The following VNN2 variants were observed in gnomAD, a reference collection of about 807,000 sequenced individuals.
VNN2 encodes vanin 2.
In VNN2, 43 loss-of-function variants were observed where a neutral mutation model predicts 43.0. That is an observed-to-expected ratio of 1.00 (90% CI 0.78 to 1.29). VNN2 has a LOEUF of 1.29. Ranked by LOEUF, VNN2 falls within the 50% of genes most tolerant of loss-of-function variation. The pLI, the probability that VNN2 is intolerant of heterozygous loss-of-function variation, is 0.00. For synonymous variants in VNN2, 230 were observed against 224.3 expected (o/e 1.03, Z -0.23); for missense variants, 652 against 619.7 (o/e 1.05, Z -0.55).
At position 132,756,186 on chromosome 6, in the gene VNN2, A is replaced by C. The variant is rs190022989; in HGVS notation, c.345-151T>G. The C allele has an allele frequency of 8.1e-6, 6 of 740,130 alleles. No homozygotes were observed. The African/African-American group carries it at 8.8e-5, about 11-fold the overall frequency. 45.8% of individuals were successfully genotyped at this position (740,130 alleles called of 1,614,324 possible). On this transcript the variant is annotated intron_variant, in intron 2 of 6. Coordinates refer to ENST00000326499, the MANE Select transcript of VNN2 (RefSeq NM_004665.6). ...TATCATACTTTAAAAGCCACAGATG[A>C]TTATACACTTGATGAATGCTTCCCA... is the stretch of plus-strand genomic sequence containing the variant.
chr6:132,749,881 G>T lies in VNN2; in HGVS notation c.1201-16C>A. 2 of 1,604,010 alleles carry T rather than the reference G, an allele frequency of 1.2e-6. No homozygotes were observed. Among genetic ancestry groups the T allele is most frequent in the Non-Finnish European group, 8.5e-7 (1 of 1,174,910 alleles). On this transcript the variant is annotated splice_polypyrimidine_tract_variant and intron_variant, in intron 5 of 6. Transcript: ENST00000326499. ...GTGTGCAGACCTATGTGGAACAAACGCAGATAAAACGCAATGCCTTACATT... is the reference window on the plus strand; with the variant it reads ...GTGTGCAGACCTATGTGGAACAAACTCAGATAAAACGCAATGCCTTACATT...
Position 132,753,527 on chromosome 6 carries a change from C to G in VNN2, c.538-778G>C, listed in dbSNP as rs1040828802. The stretch of plus-strand genomic sequence containing the variant: ...TACCATAGAAATGTATTTAATTTCC[C>G]GATTCCTTCTAGGTAAACTAAAAAA... On this transcript the variant is annotated intron_variant, in intron 3 of 6. Coordinates refer to ENST00000326499, the MANE Select transcript of VNN2 (RefSeq NM_004665.6). The G allele has an allele frequency of 8.9e-6, 4 of 448,522 alleles. No individual in the cohort carries two copies. In the East Asian group the frequency reaches 2.1e-4, roughly 23 times the overall value. 27.8% of individuals were successfully genotyped at this position (448,522 alleles called of 1,614,324 possible).
chr6:132,745,423 C>T (rs558667328), intron 6 of VNN2, among the ~76,000 whole-genome samples: 2 of 152,228 alleles, frequency 1.3e-5, no homozygotes, highest in East Asian at 3.9e-4. Flanking sequence ...ACCATGTTGC[C>T]CAGGCTGTTC....
At chr6:132,761,369 A>C (rs1455089236), upstream of VNN2, among the ~76,000 whole-genome samples, 2 of 149,646 alleles carry the variant, frequency 1.3e-5, no homozygotes, top group South Asian at 2.1e-4. Context: ...AAAAAAAAAA[A>C]CAGTATTGGG....
At chr6:132,746,748 C>T (rs1280081805) in intron 6 of VNN2, among the ~76,000 whole-genome samples, 1 of 152,140 alleles carries the variant, frequency 6.6e-6, no homozygotes, top group African/African-American at 2.4e-5. Flanking sequence ...GAGGATTTGC[C>T]AATGAAGAGT....
intron 5 of VNN2, among the ~76,000 whole-genome samples, 166 bp from the exon 6 acceptor site, chr6:132,750,031 G>T (rs1427862433): frequency 6.6e-6 from 1 of 152,164 alleles, no homozygotes; most frequent in Non-Finnish European, 1.5e-5. Context: ...AATGGCCAGT[G>T]ACTTGAGAAT....
Position 132,757,718 on chromosome 6 carries a change from C to T in VNN2, c.166G>A (p.Glu56Lys), listed in dbSNP as rs962925338. 17 of 1,614,010 alleles carry T rather than the reference C, an allele frequency of 1.1e-5. No individual in the cohort carries two copies. The highest frequency in any genetic ancestry group is 2.7e-5 in the African/African-American group (2 of 74,906). The change falls in exon 1 of 7, where the codon GAG (glutamate) becomes AAG (lysine). Residue 56 changes from glutamate to lysine, a missense_variant. Glu to Lys is a moderately conservative substitution (Grantham distance 56). Transcript: ENST00000326499. ...GCTGTCTCCAGAATGTCTATATTCT[C>T]GTTCATGAGATTCAAGGCATCCTCC... ...SQEDALNLMNENIDILETAIK... is the reference protein window; with the variant it reads ...SQEDALNLMNKNIDILETAIK...
chr6:132,756,765 C>G (rs996965092), intron 2 of VNN2, among the ~76,000 whole-genome samples: 4 of 152,216 alleles, frequency 2.6e-5, no homozygotes, highest in Non-Finnish European at 4.4e-5. Flanking sequence ...CACAGGTGAA[C>G]TCATCATGGT....
At position 132,753,539 on chromosome 6, in the gene VNN2, G is replaced by C. The variant is rs547005103; in HGVS notation, c.538-790C>G. 98 of 440,610 alleles carry C rather than the reference G, an allele frequency of 2.2e-4. 5 individuals carry two copies. The highest frequency in any genetic ancestry group is 1.5e-3 in the South Asian group (96 of 62,300). The allele number at this position is 440,610 out of a possible 1,614,324, so 27.3% of individuals were successfully genotyped here. On this transcript the variant is annotated intron_variant, in intron 3 of 6. Coordinates refer to ENST00000326499, the MANE Select transcript of VNN2 (RefSeq NM_004665.6). Reference sequence around the variant, plus strand: ...GTATTTAATTTCCCGATTCCTTCTAGGTAAACTAAAAAAAAACTTAGTCTA... The same window carrying C: ...GTATTTAATTTCCCGATTCCTTCTACGTAAACTAAAAAAAAACTTAGTCTA...
In VNN2 at chr6:132,743,927, A is replaced by G. The variant is rs1386401791; in HGVS notation, c.*373T>C. On this transcript the variant is annotated 3_prime_UTR_variant, in exon 7 of 7. Coordinates refer to ENST00000326499, the MANE Select transcript of VNN2 (RefSeq NM_004665.6). Reference sequence around the variant, plus strand: ...TTCAGTCATAAACCTCTAAATTCCCATCATTACTATTCTCTTCAAGGGCAC... The same window carrying G: ...TTCAGTCATAAACCTCTAAATTCCCGTCATTACTATTCTCTTCAAGGGCAC... The G allele has an allele frequency of 1.3e-5, 2 of 157,198 alleles. No individual in the cohort carries two copies. Among genetic ancestry groups the G allele is most frequent in the African/African-American group, 4.8e-5 (2 of 41,650 alleles). The allele number at this position is 157,198 out of a possible 1,614,324, so 9.7% of individuals were successfully genotyped here.
chr6:132,751,388 A>G lies in VNN2; in HGVS notation c.957T>C (p.Asn319=). Residue 319 remains asparagine, a synonymous_variant, in exon 5 of 7, where the codon AAT becomes AAC. Coordinates refer to ENST00000326499, the MANE Select transcript of VNN2 (RefSeq NM_004665.6). ...TGATGGTGGTGGCGTAGGCATTCCA[A>G]TTAACAGCTGTTGGGTAGGCAAGCG... is the stretch of plus-strand genomic sequence containing the variant. ...LSSLAYPTAV[N]WNAYATTIKP... is the part of the protein sequence containing the mutation. The G allele has an allele frequency of 1.2e-6, 2 of 1,614,198 alleles. No homozygotes were observed. Among genetic ancestry groups the G allele is most frequent in the Non-Finnish European group, 1.7e-6 (2 of 1,180,020 alleles).
intron 3 of VNN2, among the ~76,000 whole-genome samples, chr6:132,755,292 CTTT>C (rs35767700): frequency 7.1e-6 from 1 of 141,388 alleles, no homozygotes. Flanking sequence ...CATCATGCTA[CTTT>C]TTTTTTTTTT....
At chr6:132,754,395 A>C (rs1780329520) in intron 3 of VNN2, among the ~76,000 whole-genome samples, 1 of 152,208 alleles carries the variant, frequency 6.6e-6, no homozygotes, top group Non-Finnish European at 1.5e-5. Context: ...ACACACACAA[A>C]AATACATATA....
Position 132,749,981 on chromosome 6 carries a change from G to T in VNN2, c.1201-116C>A, listed in dbSNP as rs142969604. On this transcript the variant is annotated intron_variant, in intron 5 of 6. Coordinates refer to ENST00000326499, the MANE Select transcript of VNN2 (RefSeq NM_004665.6). ...CAAACATTATCTTTCTCTGAAAAGGGATTTGGATCATGTGTCTTATAATTA... is the reference window on the plus strand; with the variant it reads ...CAAACATTATCTTTCTCTGAAAAGGTATTTGGATCATGTGTCTTATAATTA... 4.4e-5 allele frequency: 45 copies of T among 1,021,424 alleles called. 1 individual carries two copies. In the Middle Eastern group the frequency reaches 1.6e-3, roughly 36 times the overall value. The allele number at this position is 1,021,424 out of a possible 1,614,324, so 63.3% of individuals were successfully genotyped here. A position where few individuals can be genotyped will look rare whatever the true frequency, so the allele number is the denominator to read the frequency against.
intron 6 of VNN2, among the ~76,000 whole-genome samples, chr6:132,746,992 A>G (rs1398482970): frequency 6.6e-6 from 1 of 152,146 alleles, no homozygotes; most frequent in East Asian, 1.9e-4. Flanking sequence ...CCTCCCTGCC[A>G]GCTGTCACAT....
chr6:132,750,905 T>C (rs773208741), intron 5 of VNN2, among the ~76,000 whole-genome samples: 5 of 152,198 alleles, frequency 3.3e-5, no homozygotes, highest in African/African-American at 4.8e-5. Flanking sequence ...AGGTTAATAA[T>C]TTTTTAAATA....
At chr6:132,750,518 TCC>T (rs1342627625) in intron 5 of VNN2, among the ~76,000 whole-genome samples, 1 of 145,912 alleles carries the variant, frequency 6.9e-6, no homozygotes, top group Non-Finnish European at 1.5e-5. Context: ...TATATATTTT[TCC>T]AGGTGTGGTG....
intron 5 of VNN2, among the ~76,000 whole-genome samples, chr6:132,750,738 A>G (rs1423701934): frequency 6.6e-6 from 1 of 151,792 alleles, no homozygotes; most frequent in Non-Finnish European, 1.5e-5. Context: ...TAGAAGAGAA[A>G]CTAAAATAAA....
intron 6 of VNN2, among the ~76,000 whole-genome samples, chr6:132,749,057 T>C (rs1025912767): frequency 6.6e-6 from 1 of 152,238 alleles, no homozygotes; most frequent in African/African-American, 2.4e-5. Flanking sequence ...AGGTATGTTC[T>C]TTATTATGTT....
Sources: gnomAD v4.1 joint callset for allele counts (sites outside exome capture counted in the v4.1 genomes callset) on GRCh38, gnomAD v4.1.1 for gene constraint, MANE v1.5 for transcripts, NCBI Gene and HGNC (gene_info 2026-07-23, HGNC 2026-07-21) for gene names.